WWOX: variants seen among roughly 807,000 people sequenced by gnomAD.
The protein encoded by WWOX is WW domain containing oxidoreductase.
A neutral mutation model predicts 46.2 loss-of-function variants in WWOX; 69 were observed. The observed-to-expected ratio is 1.49, with a 90% CI of 1.23 to 1.82. The LOEUF is 1.82. Among genes scored for constraint, WWOX ranks in the 40% most tolerant of loss-of-function variants. The pLI, the probability that WWOX is intolerant of heterozygous loss-of-function variation, is 0.00. For synonymous variants in WWOX, 359 were observed against 202.6 expected (o/e 1.77, Z -6.56); for missense variants, 919 against 542.6 (o/e 1.69, Z -6.89).
intron 4 of WWOX, among the ~76,000 whole-genome samples, chr16:78,119,767 C>T (rs549767028): frequency 1.3e-5 from 2 of 152,002 alleles, no homozygotes; most frequent in African/African-American, 4.8e-5. Context: ...TGCCCAGATG[C>T]TATTAGCAAG....
At chr16:78,683,047 A>C in intron 8 of WWOX, among the ~76,000 whole-genome samples, 1 of 152,310 alleles carries the variant, frequency 6.6e-6, no homozygotes, top group African/African-American at 2.4e-5. Context: ...TTGGTGGGGT[A>C]GGAAGGATCG....
chr16:78,996,372 A>AGCCACCCCCCCCCCCCC (rs2046988002), intron 8 of WWOX: 1 of 459,182 alleles, frequency 2.2e-6, no homozygotes, highest in Non-Finnish European at 2.5e-6. Flanking sequence ...TGAATTCTGC[A>AGCCACCCCCCCCCCCCC]CCCACCCCCG....
At chr16:78,558,907 A>C (rs1341003033) in intron 8 of WWOX, among the ~76,000 whole-genome samples, 2 of 152,316 alleles carry the variant, frequency 1.3e-5, no homozygotes, top group East Asian at 3.9e-4. Context: ...CTTTGTTCCC[A>C]TACTAACCCC....
At chr16:78,173,315 G>A (rs1268609740) in intron 5 of WWOX, among the ~76,000 whole-genome samples, 1 of 152,010 alleles carries the variant, frequency 6.6e-6, no homozygotes, top group Non-Finnish European at 1.5e-5. Flanking sequence ...TTGAGATAGG[G>A]TATTGCTCTG....
intron 5 of WWOX, among the ~76,000 whole-genome samples, chr16:78,292,833 G>T (rs927406437): frequency 2.0e-5 from 3 of 152,144 alleles, no homozygotes; most frequent in African/African-American, 7.2e-5. Context: ...AAAATACTTT[G>T]TAAGGTATTC....
chr16:78,441,430 A>G (rs1269804206), intron 8 of WWOX, among the ~76,000 whole-genome samples: 2 of 152,184 alleles, frequency 1.3e-5, no homozygotes, highest in African/African-American at 4.8e-5. Context: ...TATAGTTTAG[A>G]ATGTGTAAAT....
intron 8 of WWOX, among the ~76,000 whole-genome samples, chr16:78,877,797 T>C (rs1275537103): frequency 6.6e-6 from 1 of 152,212 alleles, no homozygotes. Flanking sequence ...AGAAATATCC[T>C]TGGATGTATA....
chr16:79,134,523 G>T (rs2049945207), intron 8 of WWOX, among the ~76,000 whole-genome samples: 1 of 152,012 alleles, frequency 6.6e-6, no homozygotes, highest in Non-Finnish European at 1.5e-5. Flanking sequence ...CCCTACCCGG[G>T]GCCCACTCCT....
Position 78,155,041 on chromosome 16 carries a change from G to T in WWOX, c.410-9142G>T, listed in dbSNP as rs78827796. Reference sequence around the variant, plus strand: ...CTGACAGTGGCTTCTCAGCTAACCTGTCACCACGTGGGATTGGGCCCCCAG... The same window carrying T: ...CTGACAGTGGCTTCTCAGCTAACCTTTCACCACGTGGGATTGGGCCCCCAG... On this transcript the variant is annotated intron_variant, in intron 4 of 8. Coordinates refer to ENST00000566780, the MANE Select transcript of WWOX (RefSeq NM_016373.4). Among the ~76,000 whole-genome samples the T allele has an allele frequency of 6.5e-3, 988 of 152,298 alleles. 10 individuals carry two copies. Among genetic ancestry groups the T allele is most frequent in the African/African-American group, 0.023 (941 of 41,564 alleles).
intron 8 of WWOX, among the ~76,000 whole-genome samples, chr16:79,010,420 G>C (rs1311514530): frequency 1.3e-5 from 2 of 152,130 alleles, no homozygotes; most frequent in African/African-American, 4.8e-5. Flanking sequence ...TGCTAATCAA[G>C]TGAACACGGA....
intron 8 of WWOX, among the ~76,000 whole-genome samples, chr16:78,803,067 C>G (rs2050938099): frequency 6.6e-6 from 1 of 150,710 alleles, no homozygotes; most frequent in Middle Eastern, 3.4e-3. Flanking sequence ...CTAGTAGGTG[C>G]TTTATTTTTA....
intron 5 of WWOX, among the ~76,000 whole-genome samples, chr16:78,254,699 T>G (rs1386019229): frequency 2.0e-5 from 3 of 151,846 alleles, no homozygotes; most frequent in Admixed American, 2.0e-4. Context: ...GGCTAATTTT[T>G]ATATTTTTTG....
intron 8 of WWOX, among the ~76,000 whole-genome samples, chr16:78,435,277 G>C (rs1331866814): frequency 3.3e-5 from 5 of 152,136 alleles, no homozygotes; most frequent in Non-Finnish European, 5.9e-5. Flanking sequence ...AGTAATAGCA[G>C]ATGCCCAACC....
At chr16:78,605,642 C>G (rs2045738451) in intron 8 of WWOX, among the ~76,000 whole-genome samples, 1 of 152,176 alleles carries the variant, frequency 6.6e-6, no homozygotes, top group East Asian at 1.9e-4. Flanking sequence ...TATTTAGAAA[C>G]TCAGCTATCC....
chr16:78,527,138 G>A (rs577019798), intron 8 of WWOX, among the ~76,000 whole-genome samples: 1 of 152,126 alleles, frequency 6.6e-6, no homozygotes, highest in East Asian at 1.9e-4. Flanking sequence ...ACTCCAGCCT[G>A]GGCAAAAAGA....
intron 5 of WWOX, among the ~76,000 whole-genome samples, chr16:78,349,482 A>C (rs1186973074): frequency 8.3e-6 from 1 of 120,216 alleles, no homozygotes; most frequent in Non-Finnish European, 2.0e-5. Flanking sequence ...TCCTTATCTC[A>C]CTTAATCCTT....
chr16:79,133,402 A>T (rs541206235), intron 8 of WWOX, among the ~76,000 whole-genome samples: 2 of 152,226 alleles, frequency 1.3e-5, no homozygotes, highest in South Asian at 2.1e-4. Flanking sequence ...ATTGATGTCA[A>T]TATAAACTAT....
At chr16:78,448,578 A>G (rs1226648100) in intron 8 of WWOX, among the ~76,000 whole-genome samples, 2 of 152,170 alleles carry the variant, frequency 1.3e-5, no homozygotes, top group Non-Finnish European at 2.9e-5. Context: ...GTCAAGCAGT[A>G]CAGGCTTTAT....
At chr16:79,033,225 G>A (rs2151399197) in intron 8 of WWOX, among the ~76,000 whole-genome samples, 1 of 143,816 alleles carries the variant, frequency 7.0e-6, no homozygotes, top group Non-Finnish European at 1.5e-5. Context: ...TATTTGTTAG[G>A]GTAAAACAAA....
Sources: allele counts gnomAD v4.1 joint callset (sites outside exome capture counted in the v4.1 genomes callset), GRCh38; gene constraint gnomAD v4.1.1; transcripts MANE v1.5; gene names NCBI Gene and HGNC (gene_info 2026-07-23, HGNC 2026-07-21).